The following AFF3 variants were observed in gnomAD, a reference collection of about 807,000 sequenced individuals.
AFF3 encodes AF4/FMR2 family member 3.
AFF3 carries 32 observed loss-of-function variants against 129.7 expected under a neutral mutation model. The ratio of observed to expected loss-of-function variants is 0.25; its 90% CI spans 0.19 to 0.33. The LOEUF (loss-of-function observed/expected upper bound fraction) is 0.33, where lower values mean the gene tolerates loss of function less well. AFF3 is among the 10% of genes least tolerant of loss of function. The pLI, the probability that AFF3 is intolerant of heterozygous loss-of-function variation, is 1.00. For synonymous variants in AFF3, 644 were observed against 635.4 expected, an observed-to-expected ratio of 1.01 and a Z score of -0.20; for missense variants, 1,373 against 1,592.0, an observed-to-expected ratio of 0.86 and a Z score of 2.34.
At chr2:99,573,601 T>G (rs1676709271) in intron 18 of AFF3, among the ~76,000 whole-genome samples, 1 of 152,184 alleles carries the variant, frequency 6.6e-6, no homozygotes, top group Non-Finnish European at 1.5e-5. Context: ...CCATCCTCTA[T>G]AAAATTAAAA....
At chr2:99,780,935 C>T (rs1361451364) in intron 8 of AFF3, among the ~76,000 whole-genome samples, 1 of 152,154 alleles carries the variant, frequency 6.6e-6, no homozygotes, top group Non-Finnish European at 1.5e-5. Context: ...CTCCCTATAG[C>T]AGCCAGAGGG....
chr2:99,603,957 C>T (rs757504335), intron 13 of AFF3, among the ~76,000 whole-genome samples: 8 of 152,042 alleles, frequency 5.3e-5, no homozygotes, highest in South Asian at 4.1e-4. Flanking sequence ...CTGGCTATTA[C>T]GTAAAAATCC....
chr2:99,797,369 A>G (rs1269018055), intron 8 of AFF3, among the ~76,000 whole-genome samples: 1 of 152,178 alleles, frequency 6.6e-6, no homozygotes, highest in African/African-American at 2.4e-5. Flanking sequence ...GAGCTTGAAG[A>G]CATAACAACA....
chr2:99,572,303 C>A (rs1252581644), intron 18 of AFF3, among the ~76,000 whole-genome samples: 2 of 128,812 alleles, frequency 1.6e-5, no homozygotes, highest in Non-Finnish European at 3.4e-5. Context: ...ACCCCCCCCC[C>A]CCCACCTAGA....
chr2:99,842,573 C>A (rs1033174810), intron 7 of AFF3, among the ~76,000 whole-genome samples: 39 of 152,344 alleles, frequency 2.6e-4, no homozygotes, highest in African/African-American at 9.4e-4. Context: ...AACAGTCTCA[C>A]CTCATTGAAC....
At chr2:99,588,761 G>A (rs1184324138) in intron 15 of AFF3, among the ~76,000 whole-genome samples, 1 of 152,130 alleles carries the variant, frequency 6.6e-6, no homozygotes, top group Admixed American at 6.5e-5. Flanking sequence ...TAGCTCCAGG[G>A]CTCCAGCAGG....
intron 7 of AFF3, among the ~76,000 whole-genome samples, chr2:99,982,789 A>G: frequency 6.6e-6 from 1 of 152,210 alleles, no homozygotes; most frequent in East Asian, 1.9e-4. Context: ...TCAAGAAAGG[A>G]ATTATGATTT....
Position 99,601,441 on chromosome 2 carries a change from G to C in AFF3, c.1365C>G (p.Ser455Arg). The change falls in exon 14 of 25, where the codon AGC becomes AGG. Residue 455 changes from serine to arginine, a missense_variant. Physicochemically the swap from Ser to Arg is moderately radical, Grantham distance 110. Around this residue, in one of 9 missense-constraint regions of AFF3, gnomAD observed 413 missense variants for 424.4 expected, o/e 0.97. Transcript: ENST00000672756. The stretch of plus-strand genomic sequence containing the variant: ...TGAGCCAGGCAGCGCTTACCTCGGG[G>C]CTGGAGAAGTGGGGGGGCTTGCTGC... ...SEGSKPPHFS[S>R]PEAEPASSNK... 6.2e-7 allele frequency: 1 copy of C among 1,605,540 alleles called. No homozygotes were observed. The highest frequency in any genetic ancestry group is 8.5e-7 in the Non-Finnish European group (1 of 1,175,176).
At chr2:99,875,157 G>C (rs1183274906) in intron 7 of AFF3, among the ~76,000 whole-genome samples, 1 of 151,994 alleles carries the variant, frequency 6.6e-6, no homozygotes, top group Non-Finnish European at 1.5e-5. Context: ...TATCTGTTTG[G>C]CCTTGTCCTG....
intron 2 of AFF3, among the ~76,000 whole-genome samples, chr2:100,115,983 T>C (rs1165720630): frequency 2.6e-5 from 4 of 152,158 alleles, no homozygotes; most frequent in African/African-American, 9.6e-5. Flanking sequence ...CTTCTTATAA[T>C]TTTTTTCAAG....
intron 4 of AFF3, among the ~76,000 whole-genome samples, chr2:100,077,514 G>A (rs1313768313): frequency 6.6e-6 from 1 of 152,150 alleles, no homozygotes; most frequent in Non-Finnish European, 1.5e-5. Context: ...TTAGCCCAGT[G>A]AAACCCACTG....
At chr2:99,972,686 A>G (rs917272808) in intron 7 of AFF3, among the ~76,000 whole-genome samples, 3 of 152,254 alleles carry the variant, frequency 2.0e-5, no homozygotes, top group African/African-American at 7.2e-5. Flanking sequence ...CAGCAAATGA[A>G]TAAGATAATT....
At position 100,104,454 on chromosome 2, in the gene AFF3, TG is replaced by T; in HGVS notation, c.-1del. The T allele has an allele frequency of 7.6e-7, 1 of 1,313,520 alleles. No homozygotes were observed. Among genetic ancestry groups the T allele is most frequent in the Non-Finnish European group, 9.9e-7 (1 of 1,007,464 alleles). 81.4% of individuals were successfully genotyped at this position (1,313,520 alleles called of 1,614,324 possible). ...AGCAGGGCTAAGTCGAAGCTGTCCA[TG>T]GTGGGAGGTGTCAGCGTCGCCGCCG... On this transcript the variant is annotated 5_prime_UTR_variant, in exon 4 of 25. Transcript: ENST00000672756.
At chr2:99,739,413 A>G (rs547602368) in intron 10 of AFF3, among the ~76,000 whole-genome samples, 1 of 152,202 alleles carries the variant, frequency 6.6e-6, no homozygotes, top group African/African-American at 2.4e-5. Flanking sequence ...TTCCATTTCT[A>G]CAGCTTCATG....
Position 99,550,118 on chromosome 2 carries a change from C to T in AFF3, c.*1356G>A, listed in dbSNP as rs183600640. On this transcript the variant is annotated 3_prime_UTR_variant, in exon 25 of 25. Transcript: ENST00000672756. ...AGATGACTAAATCTAGGGCATAAGA[C>T]ACTACAAAAGAAAAAACATCAGACA... 3 of 227,318 alleles carry T rather than the reference C, an allele frequency of 1.3e-5. No homozygotes were observed. The East Asian group carries it at 1.9e-4, about 14-fold the overall frequency. 14.1% of individuals were successfully genotyped at this position (227,318 alleles called of 1,614,324 possible). A position where few individuals can be genotyped will look rare whatever the true frequency, so the allele number is the denominator to read the frequency against.
chr2:100,001,960 A>G (rs888938142), intron 7 of AFF3, among the ~76,000 whole-genome samples: 4 of 152,230 alleles, frequency 2.6e-5, no homozygotes, highest in Non-Finnish European at 5.9e-5. Flanking sequence ...TCGAGCAGAC[A>G]GGAGGAAGCG....
intron 13 of AFF3, among the ~76,000 whole-genome samples, chr2:99,609,249 T>TG (rs1036200441): frequency 1.1e-4 from 17 of 152,104 alleles, no homozygotes; most frequent in African/African-American, 3.1e-4. Flanking sequence ...CATAGGTTTT[T>TG]GGGGGGGAGG....
chr2:100,027,899 G>A (rs1217998358), intron 4 of AFF3, among the ~76,000 whole-genome samples: 2 of 152,024 alleles, frequency 1.3e-5, no homozygotes, highest in Non-Finnish European at 2.9e-5. Context: ...AAACATTAAA[G>A]GTTGTTAACT....
chr2:100,019,902 C>A (rs1219623614), intron 4 of AFF3, among the ~76,000 whole-genome samples: 1 of 152,152 alleles, frequency 6.6e-6, no homozygotes, highest in Non-Finnish European at 1.5e-5. Context: ...CCCCACCTTC[C>A]CATAGATGCC....
Sources: allele counts gnomAD v4.1 joint callset (sites outside exome capture counted in the v4.1 genomes callset), GRCh38; gene constraint gnomAD v4.1.1; regional missense constraint gnomAD v4.1.1; transcripts MANE v1.5; gene names NCBI Gene and HGNC (gene_info 2026-07-23, HGNC 2026-07-21).